The following KIF18B variants were observed in gnomAD, a reference collection of about 807,000 sequenced individuals.
KIF18B encodes the protein kinesin family member 18B.
A neutral mutation model predicts 80.9 loss-of-function variants in KIF18B; 49 were observed. The ratio of observed to expected loss-of-function variants is 0.61; its 90% confidence interval spans 0.48 to 0.77. The LOEUF (loss-of-function observed/expected upper bound fraction) is 0.77, where lower values mean the gene tolerates loss of function less well. Ranked by LOEUF, KIF18B falls within the 30% of genes least tolerant of loss-of-function variation. KIF18B has a pLI of 0.00. For missense variants in KIF18B, 994 were observed against 1,127.7 expected, an observed-to-expected ratio of 0.88 and a Z score of 1.70; for synonymous variants, 439 against 463.9, an observed-to-expected ratio of 0.95 and a Z score of 0.69.
In KIF18B at chr17:44,927,015, A is replaced by G. The variant is rs1209878781; in HGVS notation, c.2340T>C (p.Ser780=). ...PKPTSSLPGT[S]ACKKKRVASS... The stretch of plus-strand genomic sequence containing the variant: ...TCGCAACGCGCTTCTTCTTGCAGGC[A>G]GAGGTCCCAGGGAGGGAAGATGTTG... Residue 780 remains serine (S), a synonymous_variant, in exon 14 of 16, where the codon TCT becomes TCC. Coordinates refer to ENST00000593135, the MANE Select transcript of KIF18B (RefSeq NM_001265577.2). The surrounding 1 kb of genome is among the most constrained non-coding windows in gnomAD (Gnocchi z 4.1). 1 of 1,612,504 alleles carries G rather than the reference A, an allele frequency of 6.2e-7. No individual in the cohort carries two copies. The highest frequency in any genetic ancestry group is 8.5e-7 in the Non-Finnish European group (1 of 1,179,370).
rs1050208320 is a variant in KIF18B at position 44,927,704 on chromosome 17, G to C, written c.2276+322C>G. Among the ~76,000 whole-genome samples, 1 of 152,262 alleles carries C rather than the reference G, an allele frequency of 6.6e-6. No individual in the cohort carries two copies. The highest frequency in any genetic ancestry group is 1.5e-5 in the Non-Finnish European group (1 of 68,046). On this transcript the variant is annotated intron_variant, in intron 13 of 15. Coordinates refer to ENST00000593135, the MANE Select transcript of KIF18B (RefSeq NM_001265577.2). The surrounding 1 kb of genome is among the most constrained non-coding windows in gnomAD (Gnocchi z 4.1). ...AGCCCAAGTAAAGAGAGGAACAGAA[G>C]TGTTGGGTTCCCCTAGTACATTCTT... is the stretch of plus-strand genomic sequence containing the variant.
At chr17:44,939,366 CAAAAAAAAA>C (rs781348504) in intron 1 of KIF18B, among the ~76,000 whole-genome samples, 15 of 36,950 alleles carry the variant, frequency 4.1e-4, no homozygotes, top group African/African-American at 1.0e-3. Context: ...GACTCCATCT[CAAAAAAAAA>C]AAAAAAAAAA....
Position 44,928,843 on chromosome 17 carries a change from C to T in KIF18B, c.1699G>A (p.Ala567Thr), listed in dbSNP as rs768056399. ...TSGLARGAPL[A>T]QELCSESIPV... ...CTTGACTCTGAACACAGCTCCTGAG[C>T]CAGAGGTGCCCCCCTGGCCAGGCCT... Residue 567 changes from alanine to threonine, a missense_variant, in exon 12 of 16, where the codon GCT (alanine) becomes ACT (threonine). Coordinates refer to ENST00000593135, the MANE Select transcript of KIF18B (RefSeq NM_001265577.2). 5 of 1,613,696 alleles carry T rather than the reference C, an allele frequency of 3.1e-6. No individual in the cohort carries two copies. The African/African-American group carries it at 5.3e-5, about 17-fold the overall frequency.
chr17:44,935,438 G>A (rs770253250), intron 2 of KIF18B, 22 bp from the exon 3 acceptor site: 1 of 1,575,974 alleles, frequency 6.3e-7, no homozygotes, highest in Admixed American at 1.8e-5. Flanking sequence ...ATAGTAAGGA[G>A]GAGGACCCCA....
intron 7 of KIF18B, 134 bp from the exon 8 acceptor site, chr17:44,933,120 C>T: frequency 1.4e-6 from 1 of 702,266 alleles, no homozygotes; most frequent in Non-Finnish European, 2.4e-6. Context: ...GGAGACACAG[C>T]AGAGAAGGTC....
chr17:44,933,246 G>C (rs945052458), intron 7 of KIF18B, among the ~76,000 whole-genome samples: 3 of 152,154 alleles, frequency 2.0e-5, no homozygotes, highest in South Asian at 2.1e-4. Context: ...GGGCTCCCTG[G>C]GGGGAGGGAG....
At chr17:44,938,302 C>T (rs900882962) in intron 1 of KIF18B, among the ~76,000 whole-genome samples, 1 of 152,224 alleles carries the variant, frequency 6.6e-6, no homozygotes. Context: ...AGGTGTGAGC[C>T]ACTGCACCTG....
chr17:44,925,921 G>A lies in KIF18B; in HGVS notation c.*159C>T, dbSNP rs946644604. On this transcript the variant is annotated 3_prime_UTR_variant, in exon 16 of 16. Transcript: ENST00000593135. ...GGGTGAGTAGCAGGATGGATGTCTG[G>A]GGAGGGATGTTAATACAGCAAAGGT... 1.2e-5 allele frequency: 8 copies of A among 691,076 alleles called. No homozygotes were observed. Among genetic ancestry groups the A allele is most frequent in the African/African-American group, 1.1e-4 (6 of 55,578 alleles). 42.8% of individuals were successfully genotyped at this position (691,076 alleles called of 1,614,324 possible). A position where few individuals can be genotyped will look rare whatever the true frequency, so the allele number is the denominator to read the frequency against.
chr17:44,932,623 C>A, intron 9 of KIF18B, 50 bp downstream of exon 9: 1 of 978,972 alleles, frequency 1.0e-6, no homozygotes, highest in South Asian at 1.3e-5. Context: ...CCTGGCTCCC[C>A]ATCCTGGCTG....
intron 1 of KIF18B, among the ~76,000 whole-genome samples, chr17:44,944,283 A>G (rs1356272172): frequency 1.3e-5 from 2 of 151,202 alleles, no homozygotes; most frequent in African/African-American, 2.4e-5. Flanking sequence ...CTTGTTGCCC[A>G]GCAGCCTGGA....
intron 1 of KIF18B, among the ~76,000 whole-genome samples, chr17:44,936,676 G>T (rs2052319254): frequency 9.6e-6 from 1 of 104,132 alleles, no homozygotes; most frequent in African/African-American, 3.7e-5. Flanking sequence ...CTCTTGCTCT[G>T]TCGCCCAGGC....
In KIF18B at chr17:44,931,659, G is replaced by A; in HGVS notation, c.1460C>T (p.Pro487Leu). Residue 487 changes from proline to leucine, a missense_variant, in exon 11 of 16, where the codon CCC (proline) becomes CTC (leucine). Transcript: ENST00000593135. ...LPESPRLTLQ[P>L]KPVVGHFSAR... Reference sequence around the variant, plus strand: ...TGAGAAGTGGCCCACGACTGGCTTGGGCTGCAGGGTCAGGCGAGGGGACTC... The same window carrying A: ...TGAGAAGTGGCCCACGACTGGCTTGAGCTGCAGGGTCAGGCGAGGGGACTC... 6.2e-7 allele frequency: 1 copy of A among 1,614,008 alleles called. No homozygotes were observed.
At position 44,926,114 on chromosome 17, in the gene KIF18B, A is replaced by G. The variant is rs200601405; in HGVS notation, c.2525T>C (p.Leu842Pro). ...CTTGGTGACGCCGTTCCCTGCTGAGAGTGCTCTCCCCACCCTGATGAGGTC... is the reference window on the plus strand; with the variant it reads ...CTTGGTGACGCCGTTCCCTGCTGAGGGTGCTCTCCCCACCCTGATGAGGTC... ...GKDLIRVGRA[L>P]SAGNGVTKVS The change falls in exon 16 of 16, where the codon CTC becomes CCC. Residue 842 changes from leucine (L) to proline (P), a missense_variant. Transcript: ENST00000593135. 157 of 1,613,742 alleles carry G rather than the reference A, an allele frequency of 9.7e-5. No homozygotes were observed. Among genetic ancestry groups the G allele is most frequent in the Non-Finnish European group, 1.2e-4 (144 of 1,179,882 alleles).
chr17:44,934,156 G>T lies in KIF18B; in HGVS notation c.886-57C>A. ...CGACTGATGGCACTGACCCAGGATGGGGCCCTGTGGCCTTTGGCCCTGGGT... is the reference window on the plus strand; with the variant it reads ...CGACTGATGGCACTGACCCAGGATGTGGCCCTGTGGCCTTTGGCCCTGGGT... On this transcript the variant is annotated intron_variant, in intron 6 of 15. Coordinates refer to ENST00000593135, the MANE Select transcript of KIF18B (RefSeq NM_001265577.2). This position sits in a 1 kb window ranked among gnomAD's most constrained non-coding sequence, Gnocchi z 5.4. 2 of 1,599,378 alleles carry T rather than the reference G, an allele frequency of 1.3e-6. No individual in the cohort carries two copies. Among genetic ancestry groups the T allele is most frequent in the Non-Finnish European group, 8.5e-7 (1 of 1,172,216 alleles).
chr17:44,942,265 A>C (rs2052434673), intron 1 of KIF18B, among the ~76,000 whole-genome samples: 1 of 152,274 alleles, frequency 6.6e-6, no homozygotes, highest in East Asian at 1.9e-4. Flanking sequence ...ATTCTCAGCC[A>C]GCCACAGTCA....
chr17:44,933,048 G>A (rs574677370), intron 7 of KIF18B, 62 bp from the exon 8 acceptor site: 118 of 1,493,858 alleles, frequency 7.9e-5, no homozygotes, highest in African/African-American at 1.4e-4. Context: ...ATCAGCCACC[G>A]CCGATGGCCA....
chr17:44,926,175 T>A lies in KIF18B; in HGVS notation c.2464A>T (p.Ser822Cys), dbSNP rs765713036. 1 of 1,613,834 alleles carries A rather than the reference T, an allele frequency of 6.2e-7. No homozygotes were observed. The highest frequency in any genetic ancestry group is 1.7e-5 in the Admixed American group (1 of 60,012). Residue 822 changes from serine (S) to cysteine (C), a missense_variant, in exon 16 of 16, where the codon AGT becomes TGT. Ser to Cys is a moderately radical substitution (Grantham distance 112). Transcript: ENST00000593135. ...GPLVLPELPLSPLCPSNRRNG... is the reference protein window; with the variant it reads ...GPLVLPELPLCPLCPSNRRNG... ...CTCCGGTTGCTAGGGCACAGGGGACTCAAGGGCAGCTCTGCAGGCCAGTTG... is the reference window on the plus strand; with the variant it reads ...CTCCGGTTGCTAGGGCACAGGGGACACAAGGGCAGCTCTGCAGGCCAGTTG...
intron 1 of KIF18B, among the ~76,000 whole-genome samples, chr17:44,942,515 G>A (rs1032415098): frequency 6.6e-6 from 1 of 152,202 alleles, no homozygotes; most frequent in Non-Finnish European, 1.5e-5. Flanking sequence ...AGGGGGTAGG[G>A]GAAGAAGCCC....
chr17:44,946,969 T>G (rs1457002506), intron 1 of KIF18B, among the ~76,000 whole-genome samples: 1 of 151,258 alleles, frequency 6.6e-6, no homozygotes, highest in Non-Finnish European at 1.5e-5. Context: ...ATTAGCTGAA[T>G]GTGGTGGTGG....
Sources: allele counts gnomAD v4.1 joint callset (sites outside exome capture counted in the v4.1 genomes callset), GRCh38; gene constraint gnomAD v4.1.1; non-coding constraint Gnocchi (gnomAD v3.1); transcripts MANE v1.5; gene names NCBI Gene and HGNC (gene_info 2026-07-23, HGNC 2026-07-21).